Variants in FSIP2 observed in about 807,000 individuals in gnomAD.
The protein encoded by FSIP2 is fibrous sheath-interacting protein 2.
FSIP2 carries 367 observed loss-of-function variants against 510.5 expected under a neutral mutation model. That is an observed-to-expected ratio of 0.72 (90% CI 0.66 to 0.78). The LOEUF (loss-of-function observed/expected upper bound fraction) is 0.78. Among genes scored for constraint, FSIP2 ranks in the 30% least tolerant of loss-of-function variants. The pLI, the probability that FSIP2 is intolerant of heterozygous loss-of-function variation, is 0.00. For synonymous variants in FSIP2, 2,601 were observed against 2,732.2 expected (o/e 0.95, Z 1.50); for missense variants, 7,594 against 7,901.7 (o/e 0.96, Z 1.48).
chr2:185,815,860 G>T (rs1256974486), intron 19 of FSIP2, among the ~76,000 whole-genome samples: 1 of 151,978 alleles, frequency 6.6e-6, no homozygotes, highest in Non-Finnish European at 1.5e-5. Flanking sequence ...CCTATAAGAA[G>T]AATCCAAAGG....
rs1454624063 is a variant in FSIP2 at position 185,743,287 on chromosome 2, A to T, written c.380A>T (p.Asn127Ile). The T allele has an allele frequency of 2.7e-6, 4 of 1,491,392 alleles. No homozygotes were observed. Among genetic ancestry groups the T allele is most frequent in the Admixed American group, 5.1e-5 (2 of 39,180 alleles). The allele number at this position is 1,491,392 out of a possible 1,614,324, so 92.4% of individuals were successfully genotyped here. The change falls in exon 3 of 23, where the codon AAT (asparagine) becomes ATT (isoleucine). Residue 127 changes from asparagine (N) to isoleucine (I), a missense_variant. Transcript: ENST00000424728. ...RLKKGGYITS[N>I]NKVVCTLREL... ...AAGAAAGGTGGCTACATCACCAGCAATAATAAAGTGGGTTGAAAATTACTT... is the reference window on the plus strand; with the variant it reads ...AAGAAAGGTGGCTACATCACCAGCATTAATAAAGTGGGTTGAAAATTACTT...
At chr2:185,738,700 G>T (rs1054986644), upstream of FSIP2, 1 of 1,535,986 alleles carries the variant, frequency 6.5e-7, no homozygotes, top group African/African-American at 1.4e-5. Flanking sequence ...GGCGCTCTAC[G>T]CGCTGGCGCG....
intron 5 of FSIP2, among the ~76,000 whole-genome samples, chr2:185,746,238 A>G (rs570994504): frequency 1.3e-5 from 2 of 152,182 alleles, no homozygotes; most frequent in Admixed American, 1.3e-4. Flanking sequence ...AGGACTTGTA[A>G]ATTACAAGGA....
chr2:185,779,513 G>C (rs1035033983), intron 13 of FSIP2, among the ~76,000 whole-genome samples: 2 of 151,910 alleles, frequency 1.3e-5, no homozygotes, highest in Admixed American at 6.6e-5. Flanking sequence ...TCTTTGTGTT[G>C]AACGCTGTAA....
Position 185,793,763 on chromosome 2 carries a change from A to C in FSIP2, c.6627A>C (p.Arg2209Ser). Residue 2209 changes from arginine to serine, a missense_variant, in exon 16 of 23, where the codon AGA becomes AGC. Transcript: ENST00000424728. ...QQPLKGSKTE[R>S]KTERFSYSRN... ...CTCTTAAGGGGTCAAAAACTGAAAG[A>C]AAAACAGAGCGTTTTTCATATTCAA... 6 of 1,533,358 alleles carry C rather than the reference A, an allele frequency of 3.9e-6. No homozygotes were observed. The highest frequency in any genetic ancestry group is 4.4e-6 in the Non-Finnish European group (5 of 1,145,422). The allele number at this position is 1,533,358 out of a possible 1,614,324, so 95.0% of individuals were successfully genotyped here.
rs1056202838 is a variant in FSIP2, at chr2:185,794,146, T to G, written c.7010T>G (p.Leu2337Arg). Reference sequence around the variant, plus strand: ...ACTTTTGTTGGTCGCAGAGAAAAACTTGGATCCACAATTCACCTATCGCAA... The same window carrying G: ...ACTTTTGTTGGTCGCAGAGAAAAACGTGGATCCACAATTCACCTATCGCAA... ...DFTFVGRREK[L>R]GSTIHLSQAR... The change falls in exon 16 of 23, where the codon CTT becomes CGT. Residue 2337 changes from leucine to arginine, a missense_variant. Transcript: ENST00000424728. The G allele has an allele frequency of 1.6e-5, 24 of 1,533,070 alleles. No homozygotes were observed. In the East Asian group the frequency reaches 5.9e-4, roughly 38 times the overall value. The allele number at this position is 1,533,070 out of a possible 1,614,324, so 95.0% of individuals were successfully genotyped here. A position where few individuals can be genotyped will look rare whatever the true frequency, so the allele number is the denominator to read the frequency against.
At chr2:185,771,445 C>T (rs1692606313) in intron 13 of FSIP2, among the ~76,000 whole-genome samples, 1 of 152,198 alleles carries the variant, frequency 6.6e-6, no homozygotes. Flanking sequence ...GCAGACTAAA[C>T]AGCACATAGA....
In FSIP2 at chr2:185,800,446, G is replaced by C. The variant is rs1194977457; in HGVS notation, c.11140G>C (p.Asp3714His). 2 of 1,531,600 alleles carry C rather than the reference G, an allele frequency of 1.3e-6. No individual in the cohort carries two copies. Among genetic ancestry groups the C allele is most frequent in the Non-Finnish European group, 1.7e-6 (2 of 1,144,454 alleles). 94.9% of individuals were successfully genotyped at this position (1,531,600 alleles called of 1,614,324 possible). Residue 3714 changes from aspartate (D) to histidine (H), a missense_variant, in exon 17 of 23, where the codon GAT (aspartate) becomes CAT (histidine). Coordinates refer to ENST00000424728, the MANE Select transcript of FSIP2 (RefSeq NM_173651.4). ...TTTATTTTCACCAGATGAATGCCTA[G>C]ATACGGGTATGGATTCTGGTAAAAT... ...SDLFSPDECLDTGMDSGKIQR... is the reference protein window; with the variant it reads ...SDLFSPDECLHTGMDSGKIQR...
Position 185,807,357 on chromosome 2 carries a change from T to C in FSIP2, c.18051T>C (p.Ile6017=), listed in dbSNP as rs1437103011. ...CTCATAAATTTTTGGAGAATGTGAT[T>C]TCTGCTCTTTTCTCCAAAATTTTCT... ...ILPHKFLENV[I]SALFSKIFST... The change falls in exon 17 of 23, where the codon ATT becomes ATC. Residue 6017 remains isoleucine, a synonymous_variant. Transcript: ENST00000424728. 1 of 1,609,436 alleles carries C rather than the reference T, an allele frequency of 6.2e-7. No homozygotes were observed. The highest frequency in any genetic ancestry group is 1.1e-5 in the South Asian group (1 of 90,002).
chr2:185,780,028 G>A (rs749066171), intron 13 of FSIP2, among the ~76,000 whole-genome samples: 7 of 149,328 alleles, frequency 4.7e-5, no homozygotes, highest in African/African-American at 9.9e-5. Flanking sequence ...AGCCGAGAGC[G>A]TGCCACTGCA....
chr2:185,755,949 CT>C (rs1692238087), intron 8 of FSIP2, among the ~76,000 whole-genome samples: 1 of 151,480 alleles, frequency 6.6e-6, no homozygotes, highest in African/African-American at 2.4e-5. Context: ...TGCAGATTTC[CT>C]TTTCTGCTAG....
Position 185,789,954 on chromosome 2 carries a change from G to A in FSIP2, c.2818G>A (p.Asp940Asn), listed in dbSNP as rs757049175. The A allele has an allele frequency of 7.9e-5, 121 of 1,534,134 alleles. No homozygotes were observed. The highest frequency in any genetic ancestry group is 9.9e-5 in the Non-Finnish European group (113 of 1,145,686). The change falls in exon 16 of 23, where the codon GAC (aspartate) becomes AAC (asparagine). Residue 940 changes from aspartate to asparagine, a missense_variant. Transcript: ENST00000424728. ...CGTAGTACTCCTTCAGCTACTTGAG[G>A]ACATCCTTTTTCAGCTCCATCAGGA... ...ETVVLLQLLE[D>N]ILFQLHQEPV...
upstream of FSIP2, among the ~76,000 whole-genome samples, chr2:185,737,374 C>G (rs943443442): frequency 6.6e-6 from 1 of 152,060 alleles, no homozygotes; most frequent in African/African-American, 2.4e-5. Flanking sequence ...GGTCAGTTTG[C>G]CATCAAAGAT....
chr2:185,779,233 C>A lies in FSIP2; in HGVS notation c.1412-3472C>A, dbSNP rs554246511. Among the ~76,000 whole-genome samples, 135 of 151,470 alleles carry A rather than the reference C, an allele frequency of 8.9e-4. 1 individual carries two copies. Among genetic ancestry groups the A allele is most frequent in the Admixed American group, 3.8e-3 (58 of 15,236 alleles). On this transcript the variant is annotated intron_variant, in intron 13 of 22. Coordinates refer to ENST00000424728, the MANE Select transcript of FSIP2 (RefSeq NM_173651.4). ...CCTTATTTGTGGTTTCTTTGTCCTACTTTTTAATATATTTTTATTTATTCT... is the reference window on the plus strand; with the variant it reads ...CCTTATTTGTGGTTTCTTTGTCCTAATTTTTAATATATTTTTATTTATTCT...
chr2:185,770,486 G>C (rs770762123), intron 13 of FSIP2, among the ~76,000 whole-genome samples: 8 of 152,098 alleles, frequency 5.3e-5, no homozygotes, highest in Non-Finnish European at 1.2e-4. Context: ...AAGCAGCAGT[G>C]GGTGGGTGCC....
chr2:185,782,051 T>A (rs1692862436), intron 13 of FSIP2, among the ~76,000 whole-genome samples: 1 of 152,200 alleles, frequency 6.6e-6, no homozygotes, highest in Non-Finnish European at 1.5e-5. Flanking sequence ...TTAGCCAGGA[T>A]GGTCTCGATC....
Position 185,822,834 on chromosome 2 carries a change from G to A in FSIP2, c.20427-1600G>A, listed in dbSNP as rs183868243. On this transcript the variant is annotated intron_variant, in intron 19 of 22. Transcript: ENST00000424728. ...TACAAAGCTACCGTAATCAAACAGT[G>A]TGATACTGATATAAAGACAGACTTA... Among the ~76,000 whole-genome samples the A allele has an allele frequency of 3.9e-5, 6 of 151,954 alleles. No individual in the cohort carries two copies. In the East Asian group the frequency reaches 7.8e-4, roughly 20 times the overall value.
chr2:185,798,025 AT>A (rs1271959936), intron 16 of FSIP2, among the ~76,000 whole-genome samples: 2 of 152,044 alleles, frequency 1.3e-5, no homozygotes, highest in African/African-American at 4.8e-5. Flanking sequence ...ATGCAAAAAA[AT>A]AAAAATAAAT....
rs939875634 is a variant in FSIP2, at chr2:185,747,411, G to A, written c.858G>A (p.Glu286=). The change falls in exon 7 of 23, where the codon GAG becomes GAA. Residue 286 remains glutamate (E), a synonymous_variant. Transcript: ENST00000424728. ...IEEQQHRNRE[E]SDRKKQDLLE... The stretch of plus-strand genomic sequence containing the variant: ...AACAACAGCATAGAAACAGAGAAGA[G>A]AGTGACAGGAAGGTAGGGTGAGCTT... 4.0e-6 allele frequency: 6 copies of A among 1,513,754 alleles called. No homozygotes were observed. The highest frequency in any genetic ancestry group is 5.3e-6 in the Non-Finnish European group (6 of 1,126,500). 93.8% of individuals were successfully genotyped at this position (1,513,754 alleles called of 1,614,324 possible).
Sources: allele counts gnomAD v4.1 joint callset (sites outside exome capture counted in the v4.1 genomes callset), GRCh38; gene constraint gnomAD v4.1.1; transcripts MANE v1.5; gene names NCBI Gene and HGNC (gene_info 2026-07-23, HGNC 2026-07-21).